The following TMEM232 variants were observed in gnomAD, a reference collection of about 807,000 sequenced individuals.
TMEM232 encodes the protein transmembrane protein 232.
In TMEM232, 80 loss-of-function variants were observed where a neutral mutation model predicts 78.8. The observed-to-expected ratio is 1.01, with a 90% CI of 0.85 to 1.22. TMEM232 has a LOEUF of 1.22. Ranked by LOEUF, TMEM232 falls within the 50% of genes most tolerant of loss-of-function variation. The pLI, the probability that TMEM232 is intolerant of heterozygous loss-of-function variation, is 0.00. For missense variants in TMEM232, 881 were observed against 742.2 expected (o/e 1.19, Z -2.17); for synonymous variants, 297 against 254.3 (o/e 1.17, Z -1.60).
intron 12 of TMEM232, among the ~76,000 whole-genome samples, chr5:110,512,930 C>T (rs1315772261): frequency 6.6e-6 from 1 of 152,162 alleles, no homozygotes; most frequent in Non-Finnish European, 1.5e-5. Flanking sequence ...TTCTTTATCA[C>T]ATCATGTTAC....
intron 4 of TMEM232, among the ~76,000 whole-genome samples, chr5:110,388,249 T>A (rs1055401877): frequency 2.0e-5 from 3 of 152,092 alleles, no homozygotes; most frequent in African/African-American, 7.2e-5. Flanking sequence ...GGTCACCCGA[T>A]CCTAAACTTA....
intron 12 of TMEM232, among the ~76,000 whole-genome samples, chr5:110,460,561 T>C (rs1326105728): frequency 1.3e-5 from 2 of 152,190 alleles, no homozygotes; most frequent in Non-Finnish European, 2.9e-5. Context: ...ACTAAAAATA[T>C]TGCCTTTAAG....
chr5:110,648,262 G>C (rs772211475), intron 2 of TMEM232, among the ~76,000 whole-genome samples: 1 of 152,054 alleles, frequency 6.6e-6, no homozygotes, highest in South Asian at 2.1e-4. Flanking sequence ...AGAAATTGAA[G>C]AGAATATGGA....
chr5:110,532,656 G>T (rs377714890), intron 11 of TMEM232, among the ~76,000 whole-genome samples: 126 of 152,056 alleles, frequency 8.3e-4, no homozygotes, highest in African/African-American at 2.9e-3. Context: ...CTGGACTACA[G>T]CTATATCTCA....
chr5:110,466,155 A>C (rs1025263380), intron 12 of TMEM232, among the ~76,000 whole-genome samples: 3 of 152,218 alleles, frequency 2.0e-5, no homozygotes, highest in Non-Finnish European at 2.9e-5. Context: ...AACTTTGAAA[A>C]ATTCCCAAAA....
intron 12 of TMEM232, among the ~76,000 whole-genome samples, chr5:110,426,200 C>G (rs1006237530): frequency 6.6e-6 from 1 of 151,930 alleles, no homozygotes; most frequent in Non-Finnish European, 1.5e-5. Flanking sequence ...AAGCCCATTA[C>G]CATAGCTCTC....
At chr5:110,607,506 C>T (rs1781665374) in intron 8 of TMEM232, among the ~76,000 whole-genome samples, 1 of 151,926 alleles carries the variant, frequency 6.6e-6, no homozygotes, top group Non-Finnish European at 1.5e-5. Flanking sequence ...TTAAGTTAGC[C>T]CCCTCAAGAT....
intron 2 of TMEM232, among the ~76,000 whole-genome samples, chr5:110,647,875 T>A (rs1056202690): frequency 6.6e-6 from 1 of 152,026 alleles, no homozygotes; most frequent in Non-Finnish European, 1.5e-5. Context: ...CCACACTATA[T>A]CTATAGTTAA....
At chr5:110,518,300 A>G (rs1768994784) in intron 12 of TMEM232, among the ~76,000 whole-genome samples, 1 of 150,766 alleles carries the variant, frequency 6.6e-6, no homozygotes, top group Non-Finnish European at 1.5e-5. Flanking sequence ...ATTTTTTGCT[A>G]TTCCTTTCTT....
intron 11 of TMEM232, among the ~76,000 whole-genome samples, chr5:110,539,041 G>A (rs1561654479): frequency 6.6e-6 from 1 of 152,010 alleles, no homozygotes; most frequent in East Asian, 1.9e-4. Flanking sequence ...TTAAAATAGG[G>A]GCACTGCTAC....
At chr5:110,454,426 G>A (rs1760665769) in intron 12 of TMEM232, among the ~76,000 whole-genome samples, 1 of 151,924 alleles carries the variant, frequency 6.6e-6, no homozygotes, top group South Asian at 2.1e-4. Flanking sequence ...CTGGGCAATA[G>A]TGCACTATAA....
chr5:110,625,482 A>G, intron 6 of TMEM232, 49 bp from the exon 7 acceptor site: 1 of 1,431,662 alleles, frequency 7.0e-7, no homozygotes, highest in Non-Finnish European at 9.2e-7. Context: ...AATATTTTGC[A>G]CTGTGTTTCA....
At position 110,605,332 on chromosome 5, in the gene TMEM232, A is replaced by G; in HGVS notation, c.1053T>C (p.Phe351=). The G allele has an allele frequency of 6.5e-7, 1 of 1,545,598 alleles. No homozygotes were observed. Among genetic ancestry groups the G allele is most frequent in the Non-Finnish European group, 8.7e-7 (1 of 1,144,402 alleles). Residue 351 remains phenylalanine, a synonymous_variant, in exon 10 of 14, where the codon TTT becomes TTC. Coordinates refer to ENST00000455884, the MANE Select transcript of TMEM232 (RefSeq NM_001039763.4). ...TGTAGACTACATTCCAGGCCCAGGA[A>G]AAATCATCTACCTTGCAACTTTCTT... ...NQEESCKVDD[F]SWAWNVVYIY...
chr5:110,594,350 C>A (rs895351113), intron 10 of TMEM232, among the ~76,000 whole-genome samples: 2 of 152,142 alleles, frequency 1.3e-5, no homozygotes, highest in African/African-American at 4.8e-5. Flanking sequence ...ACCACCAGGG[C>A]CCCAGGTTTC....
intron 12 of TMEM232, among the ~76,000 whole-genome samples, chr5:110,452,140 A>G (rs1041677975): frequency 1.3e-5 from 2 of 152,138 alleles, no homozygotes; most frequent in Non-Finnish European, 2.9e-5. Flanking sequence ...TAGAGTAACA[A>G]TTGTTCATCT....
chr5:110,505,448 G>A (rs1580976548), intron 12 of TMEM232, among the ~76,000 whole-genome samples: 1 of 152,212 alleles, frequency 6.6e-6, no homozygotes, highest in South Asian at 2.1e-4. Flanking sequence ...GACCATAGTA[G>A]GAAGAAAAAT....
chr5:110,677,251 T>G (rs1792142929), intron 1 of TMEM232, among the ~76,000 whole-genome samples: 2 of 152,060 alleles, frequency 1.3e-5, no homozygotes, highest in South Asian at 2.1e-4. Flanking sequence ...ATTTTTTTTT[T>G]CTATTGAGTT....
At chr5:110,496,435 C>A (rs1400004147) in intron 12 of TMEM232, among the ~76,000 whole-genome samples, 1 of 151,854 alleles carries the variant, frequency 6.6e-6, no homozygotes. Flanking sequence ...ATTTTTATTT[C>A]AATGTTGCAT....
intron 8 of TMEM232, chr5:110,610,655 T>C (rs1372654164): frequency 4.9e-6 from 2 of 405,394 alleles, no homozygotes; most frequent in African/African-American, 2.1e-5. Flanking sequence ...ATCACAAAGA[T>C]GTTCCTAAAA....
Sources: allele counts gnomAD v4.1 joint callset (sites outside exome capture counted in the v4.1 genomes callset), GRCh38; gene constraint gnomAD v4.1.1; transcripts MANE v1.5; gene names NCBI Gene and HGNC (gene_info 2026-07-23, HGNC 2026-07-21).